The following TTC29 variants were observed in gnomAD, a reference collection of about 807,000 sequenced individuals.
TTC29 encodes tetratricopeptide repeat domain 29.
TTC29 carries 49 observed loss-of-function variants against 58.1 expected under a neutral mutation model. The ratio of observed to expected loss-of-function variants is 0.84; its 90% CI spans 0.67 to 1.07. The LOEUF (loss-of-function observed/expected upper bound fraction) is 1.07. Ranked by LOEUF, TTC29 falls within the 50% of genes least tolerant of loss-of-function variation. The probability of loss-of-function intolerance (pLI) is 0.00; values close to 1 mark genes in which losing one functional copy is unlikely to be tolerated. For synonymous variants in TTC29, 209 were observed against 196.8 expected, an observed-to-expected ratio of 1.06 and a Z score of -0.52; for missense variants, 582 against 555.6, an observed-to-expected ratio of 1.05 and a Z score of -0.48.
At chr4:146,722,846 C>A (rs1443982606) in intron 11 of TTC29, among the ~76,000 whole-genome samples, 2 of 152,080 alleles carry the variant, frequency 1.3e-5, no homozygotes, top group East Asian at 3.9e-4. Context: ...TACAGGTATG[C>A]ACCGCCATAC....
chr4:146,741,680 T>C (rs539518916), intron 11 of TTC29, among the ~76,000 whole-genome samples: 13 of 152,290 alleles, frequency 8.5e-5, no homozygotes, highest in African/African-American at 3.1e-4. Flanking sequence ...CAAGAATCTC[T>C]GGCCATATTC....
At chr4:146,734,003 A>G (rs950775998) in intron 11 of TTC29, among the ~76,000 whole-genome samples, 1 of 152,220 alleles carries the variant, frequency 6.6e-6, no homozygotes, top group African/African-American at 2.4e-5. Flanking sequence ...TCTTTCTAAT[A>G]AATGGAAACA....
At chr4:146,754,484 G>C (rs1746281950) in intron 11 of TTC29, among the ~76,000 whole-genome samples, 3 of 152,066 alleles carry the variant, frequency 2.0e-5, no homozygotes, top group African/African-American at 4.8e-5. Flanking sequence ...AAAGCTACAG[G>C]CCAATTTTTC....
intron 9 of TTC29, among the ~76,000 whole-genome samples, chr4:146,820,808 G>A (rs112555478): frequency 1.5e-4 from 23 of 152,164 alleles, no homozygotes; most frequent in Middle Eastern, 3.4e-3. Flanking sequence ...CCAGGTGGGC[G>A]GATCACGAGG....
At chr4:146,938,510 A>G (rs2150334002) in intron 3 of TTC29, among the ~76,000 whole-genome samples, 1 of 152,316 alleles carries the variant, frequency 6.6e-6, no homozygotes, top group South Asian at 2.1e-4. Context: ...CTTTAAAAAG[A>G]CAGAAAGAAT....
At chr4:146,864,592 T>C (rs1213596307) in intron 8 of TTC29, among the ~76,000 whole-genome samples, 1 of 152,108 alleles carries the variant, frequency 6.6e-6, no homozygotes, top group Non-Finnish European at 1.5e-5. Flanking sequence ...AGGCTACAAG[T>C]CTGAAATCAA....
chr4:146,907,089 T>C (rs1254123273), intron 5 of TTC29, among the ~76,000 whole-genome samples: 1 of 152,208 alleles, frequency 6.6e-6, no homozygotes, highest in Non-Finnish European at 1.5e-5. Flanking sequence ...ATCACTGTAC[T>C]CCAGCCTGGT....
chr4:146,905,498 T>C (rs1000659039), intron 5 of TTC29, among the ~76,000 whole-genome samples: 1 of 151,814 alleles, frequency 6.6e-6, no homozygotes, highest in African/African-American at 2.4e-5. Context: ...TCAGCTAAGC[T>C]ATTTTTCTAT....
At chr4:146,913,142 G>A (rs908581739) in intron 4 of TTC29, among the ~76,000 whole-genome samples, 3 of 152,142 alleles carry the variant, frequency 2.0e-5, no homozygotes, top group Non-Finnish European at 2.9e-5. Context: ...GCTCACACAA[G>A]CAATGCCACC....
At chr4:146,807,035 A>C (rs1008425426) in intron 10 of TTC29, among the ~76,000 whole-genome samples, 3 of 152,186 alleles carry the variant, frequency 2.0e-5, no homozygotes, top group Admixed American at 2.0e-4. Context: ...CATAACAAAC[A>C]GTGTCTCAGA....
chr4:146,784,697 A>T (rs1386811425), intron 11 of TTC29, among the ~76,000 whole-genome samples: 1 of 152,144 alleles, frequency 6.6e-6, no homozygotes, highest in Non-Finnish European at 1.5e-5. Flanking sequence ...CAGCCTCCAG[A>T]ACTGTGAGAA....
At position 146,885,911 on chromosome 4, in the gene TTC29, T is replaced by A. The variant is rs116317595; in HGVS notation, c.587-10983A>T. ...AATGGTTCTTTATAATCATTCAATT[T>A]GATTTTTAGGAAGTTGGTTATTTTT... On this transcript the variant is annotated intron_variant, in intron 6 of 12. Coordinates refer to ENST00000325106, the MANE Select transcript of TTC29 (RefSeq NM_031956.4). 3.8e-3 allele frequency among the ~76,000 whole-genome samples: 579 copies of A among 152,214 alleles called. 6 individuals are homozygous for A. The highest frequency in any genetic ancestry group is 0.013 in the African/African-American group (536 of 41,570).
intron 10 of TTC29, among the ~76,000 whole-genome samples, chr4:146,818,179 A>G (rs1162138503): frequency 6.6e-6 from 1 of 152,208 alleles, no homozygotes; most frequent in Non-Finnish European, 1.5e-5. Flanking sequence ...TTCACAATCT[A>G]CTCATCTGAC....
At chr4:146,728,827 A>ATATATACACATATATGTATATATACG (rs1561066581) in intron 11 of TTC29, among the ~76,000 whole-genome samples, 1 of 67,744 alleles carries the variant, frequency 1.5e-5, no homozygotes, top group Non-Finnish European at 3.2e-5. Flanking sequence ...GTATATATAC[A>ATATATACACATATATGTATATATACG]TATATATACA....
intron 4 of TTC29, among the ~76,000 whole-genome samples, chr4:146,930,674 T>A (rs1007347679): frequency 6.6e-6 from 1 of 152,210 alleles, no homozygotes; most frequent in Non-Finnish European, 1.5e-5. Context: ...TAGTTTTTAA[T>A]CTTCCCTGTT....
intron 6 of TTC29, among the ~76,000 whole-genome samples, chr4:146,892,679 G>A (rs901033710): frequency 2.6e-5 from 4 of 152,168 alleles, no homozygotes; most frequent in Admixed American, 2.0e-4. Context: ...GGAAGTTCTG[G>A]CCAGGGCAAT....
chr4:146,800,146 G>C (rs538935301), intron 11 of TTC29, among the ~76,000 whole-genome samples: 1 of 152,292 alleles, frequency 6.6e-6, no homozygotes, highest in Admixed American at 6.5e-5. Flanking sequence ...TAAGCACTCA[G>C]GTCTAACCAT....
chr4:146,860,153 T>G (rs1183824316), intron 8 of TTC29, among the ~76,000 whole-genome samples: 1 of 152,138 alleles, frequency 6.6e-6, no homozygotes, highest in East Asian at 1.9e-4. Context: ...ATGGGTTGAC[T>G]TTTAAAAGAG....
At chr4:146,828,487 A>C (rs1373176923) in intron 9 of TTC29, among the ~76,000 whole-genome samples, 1 of 152,034 alleles carries the variant, frequency 6.6e-6, no homozygotes, top group Non-Finnish European at 1.5e-5. Context: ...GAAAATTATT[A>C]TTATTAATTA....
Sources: gnomAD v4.1 joint callset for allele counts (sites outside exome capture counted in the v4.1 genomes callset) on GRCh38, gnomAD v4.1.1 for gene constraint, MANE v1.5 for transcripts, NCBI Gene and HGNC (gene_info 2026-07-23, HGNC 2026-07-21) for gene names.